The following ARHGAP25 variants were observed in gnomAD, a reference collection of about 807,000 sequenced individuals.
The protein encoded by ARHGAP25 is rho GTPase-activating protein 25.
ARHGAP25 carries 34 observed loss-of-function variants against 71.0 expected under a neutral mutation model. The ratio of observed to expected loss-of-function variants is 0.48; its 90% CI spans 0.36 to 0.64. The LOEUF is 0.64. ARHGAP25 is among the 30% of genes least tolerant of loss of function. The probability of loss-of-function intolerance (pLI) is 0.00; values close to 1 mark genes in which losing one functional copy is unlikely to be tolerated. For synonymous variants in ARHGAP25, 282 were observed against 296.5 expected, an observed-to-expected ratio of 0.95 and a Z score of 0.50; for missense variants, 706 against 805.1, an observed-to-expected ratio of 0.88 and a Z score of 1.49.
At chr2:68,735,534 A>G (rs1283808728) in intron 1 of ARHGAP25, 1 of 536,016 alleles carries the variant, frequency 1.9e-6, no homozygotes, top group Admixed American at 3.5e-5. Flanking sequence ...GACTACACAC[A>G]AAACTGTGAG....
chr2:68,799,225 TAATG>T (rs1174477820), intron 4 of ARHGAP25, among the ~76,000 whole-genome samples: 1 of 152,156 alleles, frequency 6.6e-6, no homozygotes, highest in Admixed American at 6.5e-5. Context: ...CCTGGCCTAT[TAATG>T]AATGGAGAAT....
intron 6 of ARHGAP25, among the ~76,000 whole-genome samples, chr2:68,814,808 A>G (rs993984933): frequency 5.3e-5 from 8 of 152,354 alleles, no homozygotes; most frequent in African/African-American, 1.9e-4. Flanking sequence ...AGAACATGAT[A>G]CAGGTTTTGT....
At chr2:68,710,846 G>C (rs936429675) in intron 2 of ARHGAP25, 3 of 152,180 alleles carry the variant, frequency 2.0e-5, no homozygotes, top group Non-Finnish European at 4.4e-5. Context: ...CCTGCTGCTT[G>C]AGATGGAGGC....
intron 5 of ARHGAP25, among the ~76,000 whole-genome samples, chr2:68,811,775 TCTC>T (rs552542317): frequency 1.0e-3 from 155 of 152,204 alleles, no homozygotes; most frequent in African/African-American, 3.4e-3. Context: ...ATGCCTCCCT[TCTC>T]CTCCTCTTGT....
rs538187115 is a variant in ARHGAP25, at chr2:68,729,375, G to A, written c.-18+18677G>A. Among the ~76,000 whole-genome samples the A allele has an allele frequency of 2.2e-4, 33 of 152,276 alleles. No homozygotes were observed. The South Asian group carries it at 5.8e-3, about 27-fold the overall frequency. ...AAATGAAAGACAAGGAAGTGACAGA[G>A]TGGAGAGCTAACATGCAGATAACTG... is the stretch of plus-strand genomic sequence containing the variant. On this transcript the variant is annotated intron_variant and NMD_transcript_variant, in intron 2 of 7. Transcript: ENST00000463483.
rs146399222 is a variant in ARHGAP25 at position 68,787,900 on chromosome 2, C to T, written c.410C>T (p.Ala137Val). The change falls in exon 4 of 11, where the codon GCG becomes GTG. Residue 137 changes from alanine (A) to valine (V), a missense_variant. By Grantham distance (64) the Ala-to-Val change is moderately conservative. Transcript: ENST00000409202. ...DSYVLMASSQ[A>V]EMEEWVKFLR... Reference sequence around the variant, plus strand: ...TATGTCCTCATGGCCAGCTCTCAGGCGGAGATGGAGGAGTGGGTTAAATTC... The same window carrying T: ...TATGTCCTCATGGCCAGCTCTCAGGTGGAGATGGAGGAGTGGGTTAAATTC... 1.8e-4 allele frequency: 295 copies of T among 1,614,198 alleles called. No homozygotes were observed. In the African/African-American group the frequency reaches 2.0e-3, roughly 11 times the overall value.
rs749558160 is a variant in ARHGAP25, at chr2:68,816,266, T to A, written c.808-23T>A. 1.4e-5 allele frequency: 23 copies of A among 1,602,994 alleles called. No homozygotes were observed. In the South Asian group the frequency reaches 2.5e-4, roughly 18 times the overall value. On this transcript the variant is annotated intron_variant, in intron 6 of 10. Coordinates refer to ENST00000409202, the MANE Select transcript of ARHGAP25 (RefSeq NM_001007231.3). ...CAGGCTCATTTACTGGTAAATGATT[T>A]ACTTGTGTAAATCTCTTCCCAGGCT... is the stretch of plus-strand genomic sequence containing the variant.
At chr2:68,820,245 C>A (rs1383549608) in intron 9 of ARHGAP25, among the ~76,000 whole-genome samples, 1 of 152,184 alleles carries the variant, frequency 6.6e-6, no homozygotes, top group Non-Finnish European at 1.5e-5. Context: ...TAGGTTTCTG[C>A]CATTTACTGA....
At chr2:68,713,500 C>A (rs1472263222) in intron 2 of ARHGAP25, among the ~76,000 whole-genome samples, 1 of 152,158 alleles carries the variant, frequency 6.6e-6, no homozygotes, top group Non-Finnish European at 1.5e-5. Flanking sequence ...CTTTCTCTTG[C>A]CTGATTGCCC....
chr2:68,751,490 TTCC>T (rs755310861), intron 1 of ARHGAP25, among the ~76,000 whole-genome samples: 117 of 152,298 alleles, frequency 7.7e-4, no homozygotes, highest in Non-Finnish European at 1.5e-3. Context: ...AGCAGTAGAT[TTCC>T]TCCTATTCGC....
rs531990971 is a variant in ARHGAP25, at chr2:68,757,175, G to C, written c.62-18046G>C. Among the ~76,000 whole-genome samples, 27 of 152,160 alleles carry C rather than the reference G, an allele frequency of 1.8e-4. 1 individual carries two copies. In the South Asian group the frequency reaches 5.2e-3, roughly 29 times the overall value. ...GTGATCAGAGCCTAAGAGACATCTG[G>C]GTTACCATTAAGTGGACCAGCTTAC... On this transcript the variant is annotated intron_variant, in intron 1 of 10. Coordinates refer to ENST00000409202, the MANE Select transcript of ARHGAP25 (RefSeq NM_001007231.3).
At chr2:68,739,421 T>C (rs564022343) in intron 1 of ARHGAP25, among the ~76,000 whole-genome samples, 1 of 152,302 alleles carries the variant, frequency 6.6e-6, no homozygotes, top group South Asian at 2.1e-4. Context: ...TAGCATCCAA[T>C]GGGAGAACTC....
At chr2:68,825,566 C>T (rs1017440665) in intron 10 of ARHGAP25, among the ~76,000 whole-genome samples, 5 of 151,948 alleles carry the variant, frequency 3.3e-5, no homozygotes, top group African/African-American at 1.2e-4. Context: ...GAGATCAAGA[C>T]CATCCTGGCT....
intron 1 of ARHGAP25, among the ~76,000 whole-genome samples, chr2:68,763,388 G>A (rs1234273059): frequency 1.3e-5 from 2 of 151,994 alleles, no homozygotes; most frequent in Admixed American, 1.3e-4. Flanking sequence ...CAAATATTTG[G>A]CCTGAATCCT....
upstream of ARHGAP25, among the ~76,000 whole-genome samples, chr2:68,733,606 G>T (rs913009230): frequency 1.3e-5 from 2 of 152,168 alleles, no homozygotes; most frequent in African/African-American, 4.8e-5. Context: ...TTCACCCATT[G>T]TACCAAGAAT....
At chr2:68,744,235 T>C (rs185962459) in intron 1 of ARHGAP25, among the ~76,000 whole-genome samples, 5 of 152,280 alleles carry the variant, frequency 3.3e-5, no homozygotes, top group African/African-American at 1.2e-4. Context: ...GTAAGTTTGC[T>C]ATTCTGCTTT....
intron 2 of ARHGAP25, among the ~76,000 whole-genome samples, chr2:68,781,118 T>C (rs78043686): frequency 0.022 from 3,369 of 152,234 alleles, 128 homozygotes; most frequent in African/African-American, 0.077. Flanking sequence ...CCAGGCACGG[T>C]GGCTCATGCC....
At chr2:68,736,169 A>G (rs983242016) in intron 1 of ARHGAP25, among the ~76,000 whole-genome samples, 18 of 152,196 alleles carry the variant, frequency 1.2e-4, no homozygotes, top group Non-Finnish European at 2.2e-4. Context: ...TGAACCTCTA[A>G]TGGGGTTAAG....
At chr2:68,771,100 T>A (rs1462865205) in intron 1 of ARHGAP25, among the ~76,000 whole-genome samples, 2 of 152,162 alleles carry the variant, frequency 1.3e-5, no homozygotes, top group Admixed American at 1.3e-4. Context: ...TTTAATTCAT[T>A]TAAATGTACA....
Sources: gnomAD v4.1 joint callset for allele counts (sites outside exome capture counted in the v4.1 genomes callset) on GRCh38, gnomAD v4.1.1 for gene constraint, MANE v1.5 for transcripts, NCBI Gene and HGNC (gene_info 2026-07-23, HGNC 2026-07-21) for gene names.